The following KIF24 variants were observed in gnomAD, a reference collection of about 807,000 sequenced individuals.
The protein encoded by KIF24 is kinesin-like protein KIF24.
A neutral mutation model predicts 118.9 loss-of-function variants in KIF24; 81 were observed. That is an observed-to-expected ratio of 0.68 (90% CI 0.57 to 0.82). The LOEUF (loss-of-function observed/expected upper bound fraction) is 0.82, where lower values mean the gene tolerates loss of function less well. Ranked by LOEUF, KIF24 falls within the 40% of genes least tolerant of loss-of-function variation. KIF24 has a pLI of 0.00. For synonymous variants in KIF24, 599 were observed against 610.0 expected, an observed-to-expected ratio of 0.98 and a Z score of 0.27; for missense variants, 1,560 against 1,661.6, an observed-to-expected ratio of 0.94 and a Z score of 1.06.
At position 34,259,580 on chromosome 9, in the gene KIF24, C is replaced by T. The variant is rs983534370; in HGVS notation, c.1625+16G>A. ...TGCACACTTACACACAACCTGCCAT[C>T]TGGGAGCTGACTTACCGGTCAGCAT... On this transcript the variant is annotated intron_variant, in intron 10 of 12. Coordinates refer to ENST00000402558, the MANE Select transcript of KIF24 (RefSeq NM_194313.4). The T allele has an allele frequency of 6.2e-7, 1 of 1,601,252 alleles. No individual in the cohort carries two copies. Among genetic ancestry groups the T allele is most frequent in the Non-Finnish European group, 8.6e-7 (1 of 1,168,530 alleles).
At chr9:34,310,462 C>T (rs1424554000) in intron 2 of KIF24, among the ~76,000 whole-genome samples, 2 of 152,132 alleles carry the variant, frequency 1.3e-5, no homozygotes, top group African/African-American at 4.8e-5. Context: ...AGAAACAGAT[C>T]TGCTACAGAT....
chr9:34,265,371 T>A (rs1835248577), intron 8 of KIF24, among the ~76,000 whole-genome samples: 1 of 152,158 alleles, frequency 6.6e-6, no homozygotes, highest in Non-Finnish European at 1.5e-5. Context: ...GGTCTCCCTG[T>A]GATGCCCAGG....
intron 3 of KIF24, among the ~76,000 whole-genome samples, chr9:34,299,033 CATATATATATGTATGA>C (rs774338778): frequency 3.9e-5 from 6 of 151,910 alleles, no homozygotes; most frequent in Non-Finnish European, 8.8e-5. Flanking sequence ...GGTACAACTA[CATATATATATGTATGA>C]ATATATATCA....
chr9:34,307,163 G>A (rs1457087858), intron 2 of KIF24, among the ~76,000 whole-genome samples: 1 of 152,018 alleles, frequency 6.6e-6, no homozygotes, highest in Non-Finnish European at 1.5e-5. Context: ...CAACCTCCAG[G>A]GTTCAAGAAA....
Position 34,255,131 on chromosome 9 carries a change from C to T in KIF24, c.3907G>A (p.Asp1303Asn), listed in dbSNP as rs1834772500. ...VVIRAHQEQL[D>N]EMAELGFKEE... ...TTGAAGCCGAGCTCAGCCATTTCAT[C>T]CAGCTGTTCCTGGTGTGCTCGGATG... The change falls in exon 12 of 13, where the codon GAT becomes AAT. Residue 1303 changes from aspartate to asparagine, a missense_variant. Transcript: ENST00000402558. The T allele has an allele frequency of 6.3e-7, 1 of 1,593,290 alleles. No homozygotes were observed. Among genetic ancestry groups the T allele is most frequent in the South Asian group, 1.1e-5 (1 of 87,430 alleles).
intron 1 of KIF24, among the ~76,000 whole-genome samples, chr9:34,322,720 G>A (rs1837561887): frequency 6.6e-6 from 1 of 152,120 alleles, no homozygotes; most frequent in Non-Finnish European, 1.5e-5. Flanking sequence ...TGGGTGTGGT[G>A]ATGTATGCCT....
At chr9:34,298,729 C>T (rs1563954637) in intron 3 of KIF24, among the ~76,000 whole-genome samples, 1 of 152,076 alleles carries the variant, frequency 6.6e-6, no homozygotes, top group Non-Finnish European at 1.5e-5. Context: ...GAAGATTAAT[C>T]TGGCTTCACA....
At chr9:34,269,734 G>A (rs10972033) in intron 7 of KIF24, among the ~76,000 whole-genome samples, 1 of 151,340 alleles carries the variant, frequency 6.6e-6, no homozygotes. Flanking sequence ...CTTTATTTTT[G>A]TATCAGCCAG....
At chr9:34,319,660 T>G in intron 1 of KIF24, 1 of 812,716 alleles carries the variant, frequency 1.2e-6, no homozygotes, top group Non-Finnish European at 2.2e-6. Context: ...TTTTAGGGCC[T>G]CAGGGTGCAC....
At chr9:34,272,127 T>C (rs1835530090) in intron 6 of KIF24, among the ~76,000 whole-genome samples, 197 bp from the exon 7 acceptor site, 1 of 152,198 alleles carries the variant, frequency 6.6e-6, no homozygotes. Flanking sequence ...CAATGTGAAA[T>C]ACTAATCCTG....
At chr9:34,262,675 A>AAAATAT (rs1554659805) in intron 9 of KIF24, among the ~76,000 whole-genome samples, 2 of 27,060 alleles carry the variant, frequency 7.4e-5, no homozygotes, top group East Asian at 2.4e-3. Flanking sequence ...AAAAAAAAAA[A>AAAATAT]ATATATATAT....
intron 3 of KIF24, among the ~76,000 whole-genome samples, chr9:34,297,789 A>C (rs1836544384): frequency 6.6e-6 from 1 of 151,976 alleles, no homozygotes; most frequent in African/African-American, 2.4e-5. Flanking sequence ...TTTTGGAGGA[A>C]TTCTAGGGGA....
At chr9:34,314,375 A>C (rs1354493953) in intron 1 of KIF24, among the ~76,000 whole-genome samples, 1 of 151,948 alleles carries the variant, frequency 6.6e-6, no homozygotes, top group Non-Finnish European at 1.5e-5. Flanking sequence ...CATGTTGGCC[A>C]GGTTGGTCTC....
rs1319290610 is a variant in KIF24, at chr9:34,269,344, C to A, written c.1356G>T (p.Leu452Phe). 1 of 1,603,616 alleles carries A rather than the reference C, an allele frequency of 6.2e-7. No individual in the cohort carries two copies. The highest frequency in any genetic ancestry group is 2.2e-5 in the East Asian group (1 of 44,560). The change falls in exon 8 of 13, where the codon TTG becomes TTT. Residue 452 changes from leucine (L) to phenylalanine (F), a missense_variant. Transcript: ENST00000402558. ...RTFGRISFIDLAGSERAADAR... is the reference protein window; with the variant it reads ...RTFGRISFIDFAGSERAADAR... ...CATCTGCTGCTCTTTCACTGCCAGC[C>A]AAGTCAATAAAAGAGATCCTAGAGA...
At chr9:34,307,860 G>GAAAAAAA (rs57149308) in intron 2 of KIF24, among the ~76,000 whole-genome samples, 17 of 113,876 alleles carry the variant, frequency 1.5e-4, no homozygotes, top group African/African-American at 4.0e-4. Flanking sequence ...GACTCTGTCT[G>GAAAAAAA]AAAAAAAAAA....
intron 1 of KIF24, among the ~76,000 whole-genome samples, chr9:34,321,477 T>A (rs990968349): frequency 4.0e-5 from 6 of 151,162 alleles, no homozygotes; most frequent in African/African-American, 1.5e-4. Flanking sequence ...ACAAGTGTAC[T>A]GATTACGCAT....
In KIF24 at chr9:34,271,849, G is replaced by C; in HGVS notation, c.1297C>G (p.Gln433Glu). 1.9e-6 allele frequency: 3 copies of C among 1,612,610 alleles called. No homozygotes were observed. The highest frequency in any genetic ancestry group is 2.5e-6 in the Non-Finnish European group (3 of 1,179,298). ...TTGGCTGAATCTTTGATCTGAATTT[G>C]GATGACGGCATGGGAGCGGGAGGAG... ...ADSSRSHAVI[Q>E]IQIKDSAKRT... Residue 433 changes from glutamine to glutamate, a missense_variant, in exon 7 of 13, where the codon CAA becomes GAA. Gln to Glu is a conservative substitution (Grantham distance 29). Transcript: ENST00000402558.
intron 3 of KIF24, among the ~76,000 whole-genome samples, chr9:34,303,072 C>G (rs1436514234): frequency 6.6e-6 from 1 of 151,988 alleles, no homozygotes; most frequent in Non-Finnish European, 1.5e-5. Flanking sequence ...CCGTGCCCAG[C>G]CTAATTTTTT....
At chr9:34,306,568 C>T (rs1324702384) in intron 2 of KIF24, 127 bp from the exon 3 acceptor site, 11 of 593,476 alleles carry the variant, frequency 1.9e-5, no homozygotes, top group Non-Finnish European at 2.7e-5. Context: ...TTTGAGAGGC[C>T]GAGGTGGGCG....
Sources: allele counts gnomAD v4.1 joint callset (sites outside exome capture counted in the v4.1 genomes callset), GRCh38; gene constraint gnomAD v4.1.1; transcripts MANE v1.5; gene names NCBI Gene and HGNC (gene_info 2026-07-23, HGNC 2026-07-21).